The following CDH6 variants were observed in gnomAD, a reference collection of about 807,000 sequenced individuals.
CDH6 encodes cadherin 6.
Under a neutral mutation model 78.0 loss-of-function variants are expected in CDH6, and 31 were observed. The ratio of observed to expected loss-of-function variants is 0.40; its 90% CI spans 0.30 to 0.54. CDH6 has a LOEUF of 0.54. CDH6 is among the 20% of genes least tolerant of loss of function. The pLI is 0.56. For synonymous variants in CDH6, 376 were observed against 368.8 expected (o/e 1.02, Z -0.23); for missense variants, 724 against 975.9 (o/e 0.74, Z 3.44).
rs59173765 is a variant in CDH6, at chr5:31,199,148, T to C, written c.-129+5262T>C. 9.5e-3 allele frequency among the ~76,000 whole-genome samples: 1,443 copies of C among 152,002 alleles called. 33 individuals carry two copies. Among genetic ancestry groups the C allele is most frequent in the African/African-American group, 0.033 (1,366 of 41,478 alleles). On this transcript the variant is annotated intron_variant, in intron 1 of 11. Transcript: ENST00000265071. ...TCACCCATTTGGATCCTGTGTGTGA[T>C]ATAGCATGATGAAAGGCAGAGCTAC...
At chr5:31,199,875 T>C (rs1273176358) in intron 1 of CDH6, among the ~76,000 whole-genome samples, 4 of 151,912 alleles carry the variant, frequency 2.6e-5, no homozygotes, top group African/African-American at 7.3e-5. Context: ...AATTACACAG[T>C]AAATCAAAAT....
chr5:31,268,542 A>T (rs941314303), intron 2 of CDH6, among the ~76,000 whole-genome samples: 14 of 152,184 alleles, frequency 9.2e-5, no homozygotes, highest in African/African-American at 3.4e-4. Flanking sequence ...GATGTCAAAG[A>T]AAAAACCAGG....
At chr5:31,296,991 A>C (rs573360312) in intron 3 of CDH6, among the ~76,000 whole-genome samples, 1 of 152,304 alleles carries the variant, frequency 6.6e-6, no homozygotes, top group East Asian at 1.9e-4. Flanking sequence ...ATAACTCGAA[A>C]GAATCACTAA....
At chr5:31,275,403 G>A (rs558997338) in intron 2 of CDH6, among the ~76,000 whole-genome samples, 17 of 152,042 alleles carry the variant, frequency 1.1e-4, no homozygotes, top group Middle Eastern at 3.4e-3. Flanking sequence ...CCATCCTTAC[G>A]TCCATGAGTA....
At position 31,199,685 on chromosome 5, in the gene CDH6, G is replaced by GTGTGTATATATATA. The variant is rs796740950; in HGVS notation, c.-129+5800_-129+5801insGTGTATATATATAT. ...TGTGTGTGTATGTGTGTGTGTGTGT[G>GTGTGTATATATATA]TATATATATATATATATATATATAT... On this transcript the variant is annotated intron_variant, in intron 1 of 11. Coordinates refer to ENST00000265071, the MANE Select transcript of CDH6 (RefSeq NM_004932.4). Among the ~76,000 whole-genome samples, 235 of 79,822 alleles carry GTGTGTATATATATA rather than the reference G, an allele frequency of 2.9e-3. 2 individuals carry two copies. The highest frequency in any genetic ancestry group is 9.9e-3 in the African/African-American group (208 of 21,104). The allele number at this position is 79,822 out of a possible 152,430, so 52.4% of individuals were successfully genotyped here. A position where few individuals can be genotyped will look rare whatever the true frequency, so the allele number is the denominator to read the frequency against.
At chr5:31,226,521 A>T (rs901066370) in intron 1 of CDH6, among the ~76,000 whole-genome samples, 2 of 152,092 alleles carry the variant, frequency 1.3e-5, no homozygotes, top group African/African-American at 4.8e-5. Context: ...CTCTTCAAGT[A>T]ATCAGCCGCT....
At chr5:31,212,471 T>C (rs199623502) in intron 1 of CDH6, among the ~76,000 whole-genome samples, 388 of 152,328 alleles carry the variant, frequency 2.5e-3, no homozygotes, top group African/African-American at 8.9e-3. Flanking sequence ...GAAACCGTAA[T>C]GTGCCAAATG....
chr5:31,238,271 A>G (rs1469188248), intron 1 of CDH6, among the ~76,000 whole-genome samples: 1 of 152,314 alleles, frequency 6.6e-6, no homozygotes, highest in East Asian at 1.9e-4. Context: ...GTGTTCTTTA[A>G]AACAATCCAA....
At chr5:31,304,865 C>G (rs928441949) in intron 6 of CDH6, among the ~76,000 whole-genome samples, 1 of 152,038 alleles carries the variant, frequency 6.6e-6, no homozygotes, top group African/African-American at 2.4e-5. Flanking sequence ...GGTATGATGC[C>G]TTGTACCTCA....
Position 31,326,222 on chromosome 5 carries a change from C to G in CDH6, c.*2914C>G, listed in dbSNP as rs1738621155. On this transcript the variant is annotated 3_prime_UTR_variant, in exon 12 of 12. Coordinates refer to ENST00000265071, the MANE Select transcript of CDH6 (RefSeq NM_004932.4). ...AAATTCATTAAGCATAACCAGATTG[C>G]TTTTGTGGGTTGTTTCAAGGACATT... 1 of 223,134 alleles carries G rather than the reference C, an allele frequency of 4.5e-6. No individual in the cohort carries two copies. The highest frequency in any genetic ancestry group is 5.8e-5 in the Admixed American group (1 of 17,390). 13.8% of individuals were successfully genotyped at this position (223,134 alleles called of 1,614,324 possible). A position where few individuals can be genotyped will look rare whatever the true frequency, so the allele number is the denominator to read the frequency against.
intron 2 of CDH6, among the ~76,000 whole-genome samples, chr5:31,287,662 T>C (rs1238974614): frequency 6.6e-6 from 1 of 152,222 alleles, no homozygotes; most frequent in East Asian, 1.9e-4. Context: ...TAGTAAGTAC[T>C]ATGATTGTAC....
rs968444032 is a variant in CDH6, at chr5:31,199,693, A to G, written c.-129+5807A>G. Among the ~76,000 whole-genome samples, 86 of 125,322 alleles carry G rather than the reference A, an allele frequency of 6.9e-4. 1 individual carries two copies. Among genetic ancestry groups the G allele is most frequent in the African/African-American group, 2.5e-3 (79 of 31,066 alleles). 82.2% of individuals were successfully genotyped at this position (125,322 alleles called of 152,430 possible). ...TATGTGTGTGTGTGTGTGTATATATATATATATATATATATATATATATCT... is the reference window on the plus strand; with the variant it reads ...TATGTGTGTGTGTGTGTGTATATATGTATATATATATATATATATATATCT... On this transcript the variant is annotated intron_variant, in intron 1 of 11. Coordinates refer to ENST00000265071, the MANE Select transcript of CDH6 (RefSeq NM_004932.4).
intron 2 of CDH6, among the ~76,000 whole-genome samples, chr5:31,289,170 G>C (rs1170497061): frequency 6.6e-6 from 1 of 152,054 alleles, no homozygotes; most frequent in Non-Finnish European, 1.5e-5. Context: ...CCCATGTTAT[G>C]TCCATGTGTA....
chr5:31,315,380 T>C (rs1202760431), intron 8 of CDH6, among the ~76,000 whole-genome samples: 1 of 152,098 alleles, frequency 6.6e-6, no homozygotes, highest in African/African-American at 2.4e-5. Context: ...AATTACAAAG[T>C]GAAAAAACAA....
intron 1 of CDH6, among the ~76,000 whole-genome samples, chr5:31,197,622 TAGG>T (rs1740205262): frequency 6.6e-6 from 1 of 152,158 alleles, no homozygotes; most frequent in African/African-American, 2.4e-5. Flanking sequence ...ATTATGGTAA[TAGG>T]AGAACTGCAG....
chr5:31,274,281 G>A (rs1272999389), intron 2 of CDH6, among the ~76,000 whole-genome samples: 3 of 152,134 alleles, frequency 2.0e-5, no homozygotes, highest in Non-Finnish European at 4.4e-5. Context: ...CTAAGAAAAC[G>A]TCTTCTATAG....
At position 31,327,290 on chromosome 5, in the gene CDH6, A is replaced by G. The variant is rs1738644402; in HGVS notation, c.*3982A>G. The G allele has an allele frequency of 5.3e-6, 1 of 189,712 alleles. No individual in the cohort carries two copies. The highest frequency in any genetic ancestry group is 1.1e-5 in the Non-Finnish European group (1 of 90,222). 11.8% of individuals were successfully genotyped at this position (189,712 alleles called of 1,614,324 possible). ...ATATTCAAATCAGGTACTCATCCTT[A>G]TCAGCTAAATTCATTTTCACCAGGA... On this transcript the variant is annotated 3_prime_UTR_variant, in exon 12 of 12. Transcript: ENST00000265071.
intron 8 of CDH6, among the ~76,000 whole-genome samples, chr5:31,315,866 C>A (rs1442264185): frequency 6.6e-6 from 1 of 152,192 alleles, no homozygotes; most frequent in Non-Finnish European, 1.5e-5. Flanking sequence ...TTTCCCTCTC[C>A]TTCCTTTTGT....
intron 2 of CDH6, among the ~76,000 whole-genome samples, chr5:31,272,587 CA>C (rs1742557970): frequency 6.6e-6 from 1 of 152,158 alleles, no homozygotes; most frequent in Admixed American, 6.5e-5. Flanking sequence ...TTCATTAATA[CA>C]AAGATGAATT....
Sources: gnomAD v4.1 joint callset for allele counts (sites outside exome capture counted in the v4.1 genomes callset) on GRCh38, gnomAD v4.1.1 for gene constraint, MANE v1.5 for transcripts, NCBI Gene and HGNC (gene_info 2026-07-23, HGNC 2026-07-21) for gene names.